Variants in ARHGAP31 observed in about 807,000 individuals in gnomAD.
ARHGAP31 encodes the protein rho GTPase-activating protein 31.
Under a neutral mutation model 113.9 loss-of-function variants are expected in ARHGAP31, and 34 were observed. That is an observed-to-expected ratio of 0.30 (90% CI 0.23 to 0.40). The LOEUF is 0.40. Among genes scored for constraint, ARHGAP31 ranks in the 10% least tolerant of loss-of-function variants. ARHGAP31 has a pLI of 1.00. For synonymous variants in ARHGAP31, 650 were observed against 684.8 expected (o/e 0.95, Z 0.79); for missense variants, 1,548 against 1,767.1 (o/e 0.88, Z 2.22).
rs192920015 is a variant in ARHGAP31, at chr3:119,353,517, T to C, written c.101-11799T>C. On this transcript the variant is annotated intron_variant, in intron 1 of 11. Transcript: ENST00000264245. ...GTACAAATAATGGATAAGAAGTGTA[T>C]AGCTAGGCTGGGCACGGTGGCTCAC... Among the ~76,000 whole-genome samples, 140 of 152,202 alleles carry C rather than the reference T, an allele frequency of 9.2e-4. 2 individuals are homozygous for C. In the South Asian group the frequency reaches 0.014, roughly 15 times the overall value.
At chr3:119,388,931 C>T (rs9865085) in intron 6 of ARHGAP31, among the ~76,000 whole-genome samples, 6,224 of 152,118 alleles carry the variant, frequency 0.041, 399 homozygotes, top group African/African-American at 0.14. Flanking sequence ...CTGAGGCGGG[C>T]AAACCACTTG....
intron 1 of ARHGAP31, among the ~76,000 whole-genome samples, chr3:119,343,112 C>G (rs977540026): frequency 3.2e-4 from 49 of 152,284 alleles, no homozygotes; most frequent in African/African-American, 1.1e-3. Context: ...ACAGGTGAGT[C>G]TACAGAAATA....
chr3:119,314,073 G>A (rs2079707625), intron 1 of ARHGAP31, among the ~76,000 whole-genome samples: 1 of 152,092 alleles, frequency 6.6e-6, no homozygotes, highest in African/African-American at 2.4e-5. Flanking sequence ...CAGCCTCAAT[G>A]GACACATCTC....
chr3:119,311,924 C>G (rs950616672), intron 1 of ARHGAP31, among the ~76,000 whole-genome samples: 1 of 152,158 alleles, frequency 6.6e-6, no homozygotes, highest in African/African-American at 2.4e-5. Context: ...GGAAGATATT[C>G]CAGACAGAGG....
intron 3 of ARHGAP31, among the ~76,000 whole-genome samples, chr3:119,372,280 CTTTT>C (rs758369404): frequency 0.014 from 1,853 of 128,960 alleles, 39 homozygotes; most frequent in African/African-American, 0.053. Context: ...TTATTTCTGA[CTTTT>C]TTTTTTTTTT....
intron 6 of ARHGAP31, among the ~76,000 whole-genome samples, chr3:119,384,850 C>T (rs1323366956): frequency 1.3e-5 from 2 of 152,066 alleles, no homozygotes; most frequent in Non-Finnish European, 2.9e-5. Context: ...AACCACTAAT[C>T]TACTTTCTAG....
intron 1 of ARHGAP31, among the ~76,000 whole-genome samples, chr3:119,343,810 C>T (rs547454092): frequency 9.8e-5 from 15 of 152,324 alleles, no homozygotes; most frequent in Non-Finnish European, 1.9e-4. Context: ...AGCTCAGGGA[C>T]ACTCCTGTAC....
intron 1 of ARHGAP31, among the ~76,000 whole-genome samples, chr3:119,320,168 C>T (rs1424167116): frequency 1.3e-5 from 2 of 152,192 alleles, no homozygotes; most frequent in South Asian, 2.1e-4. Context: ...AAGGATATTG[C>T]TGCATTCTCC....
At chr3:119,381,227 T>C (rs1355623877) in intron 4 of ARHGAP31, among the ~76,000 whole-genome samples, 1 of 152,096 alleles carries the variant, frequency 6.6e-6, no homozygotes, top group Non-Finnish European at 1.5e-5. Flanking sequence ...TCAGAATCTC[T>C]CAGGAAGTCA....
chr3:119,356,201 G>A (rs1021846349), intron 1 of ARHGAP31, among the ~76,000 whole-genome samples: 8 of 152,176 alleles, frequency 5.3e-5, no homozygotes, highest in Non-Finnish European at 7.3e-5. Flanking sequence ...TACTCAAAGG[G>A]CTAGCCCCAG....
rs563361152 is a variant in ARHGAP31, at chr3:119,378,386, A to T, written c.349-2518A>T. On this transcript the variant is annotated intron_variant, in intron 3 of 11. Coordinates refer to ENST00000264245, the MANE Select transcript of ARHGAP31 (RefSeq NM_020754.4). ...GGAGAGGTTGCAAATAATGAAATAAACACCAGTCCCAAATGGGACCTGCAG... is the reference window on the plus strand; with the variant it reads ...GGAGAGGTTGCAAATAATGAAATAATCACCAGTCCCAAATGGGACCTGCAG... Among the ~76,000 whole-genome samples the T allele has an allele frequency of 2.0e-5, 3 of 152,172 alleles. No homozygotes were observed. The East Asian group carries it at 5.8e-4, about 29-fold the overall frequency.
At chr3:119,341,283 G>C (rs187628659) in intron 1 of ARHGAP31, among the ~76,000 whole-genome samples, 217 of 152,296 alleles carry the variant, frequency 1.4e-3, no homozygotes, top group Non-Finnish European at 1.9e-3. Context: ...GCCTGGAAAA[G>C]CTTCAGTGAG....
chr3:119,384,035 T>A (rs2080426442), intron 6 of ARHGAP31, among the ~76,000 whole-genome samples: 1 of 152,256 alleles, frequency 6.6e-6, no homozygotes, highest in Non-Finnish European at 1.5e-5. Flanking sequence ...CAGGTGATGC[T>A]GATGCTGCTG....
rs2080245391 is a variant in ARHGAP31 at position 119,365,426 on chromosome 3, A to T, written c.203+8A>T. ...AAACATACAACGGCTAAGGTAAGCT[A>T]AAAGAATAGCCCTAAAAGAATTCTC... On this transcript the variant is annotated splice_region_variant and intron_variant, in intron 2 of 11. Transcript: ENST00000264245. The T allele has an allele frequency of 1.2e-6, 2 of 1,608,404 alleles. No homozygotes were observed. Among genetic ancestry groups the T allele is most frequent in the Non-Finnish European group, 1.7e-6 (2 of 1,175,212 alleles).
chr3:119,308,486 C>G (rs1437630187), intron 1 of ARHGAP31, among the ~76,000 whole-genome samples: 1 of 152,200 alleles, frequency 6.6e-6, no homozygotes, highest in Non-Finnish European at 1.5e-5. Context: ...CTCCATCTGT[C>G]TTCAAAGCCA....
At chr3:119,382,961 A>C in intron 5 of ARHGAP31, 123 bp from the exon 6 acceptor site, 1 of 1,301,102 alleles carries the variant, frequency 7.7e-7, no homozygotes, top group South Asian at 1.2e-5. Flanking sequence ...TAAATAATTA[A>C]AATATTCTAT....
chr3:119,382,645 G>C (rs1189442429), intron 5 of ARHGAP31, among the ~76,000 whole-genome samples: 1 of 152,172 alleles, frequency 6.6e-6, no homozygotes, highest in Non-Finnish European at 1.5e-5. Flanking sequence ...CTGAACTTAT[G>C]GGTCTGTATG....
intron 10 of ARHGAP31, among the ~76,000 whole-genome samples, chr3:119,406,087 G>A (rs1331131631): frequency 2.0e-5 from 3 of 152,188 alleles, no homozygotes; most frequent in Non-Finnish European, 4.4e-5. Context: ...GGCCTGTTAG[G>A]GGAGTGTGAG....
intron 1 of ARHGAP31, among the ~76,000 whole-genome samples, chr3:119,355,470 CT>C (rs199687105): frequency 0.073 from 10,098 of 137,476 alleles, 584 homozygotes; most frequent in African/African-American, 0.17. Context: ...CTTCTGTTTT[CT>C]TTTTTTTTTT....
Sources: allele counts gnomAD v4.1 joint callset (sites outside exome capture counted in the v4.1 genomes callset), GRCh38; gene constraint gnomAD v4.1.1; transcripts MANE v1.5; gene names NCBI Gene and HGNC (gene_info 2026-07-23, HGNC 2026-07-21).